The following DNAJA4 variants were observed in gnomAD, a reference collection of about 807,000 sequenced individuals.
The protein encoded by DNAJA4 is DnaJ heat shock protein family (Hsp40) member A4, also known as dnaJ homolog subfamily A member 4.
Under a neutral mutation model 39.7 loss-of-function variants are expected in DNAJA4, and 32 were observed. The observed-to-expected ratio is 0.81, with a 90% CI of 0.61 to 1.08. The LOEUF (loss-of-function observed/expected upper bound fraction) is 1.08, where lower values mean the gene tolerates loss of function less well. Ranked by LOEUF, DNAJA4 falls within the 50% of genes least tolerant of loss-of-function variation. The pLI, the probability that DNAJA4 is intolerant of heterozygous loss-of-function variation, is 0.00. For synonymous variants in DNAJA4, 184 were observed against 182.4 expected (o/e 1.01, Z -0.07); for missense variants, 439 against 505.1 (o/e 0.87, Z 1.25).
chr15:78,278,437 T>C, intron 5 of DNAJA4: 1 of 385,334 alleles, frequency 2.6e-6, no homozygotes, highest in South Asian at 1.9e-5. Context: ...CTAGATAGCA[T>C]AGCCTGCTAC....
chr15:78,268,763 C>T (rs1344888436), intron 1 of DNAJA4, among the ~76,000 whole-genome samples: 2 of 152,198 alleles, frequency 1.3e-5, no homozygotes, highest in Non-Finnish European at 2.9e-5. Context: ...AGGCATGGTT[C>T]CAGGCTCAGT....
intron 1 of DNAJA4, among the ~76,000 whole-genome samples, chr15:78,268,420 G>A (rs1491000970): frequency 6.6e-6 from 1 of 152,144 alleles, no homozygotes; most frequent in Non-Finnish European, 1.5e-5. Flanking sequence ...GTCTTTTTAA[G>A]ACTTTTCTAA....
chr15:78,276,153 T>TA lies in DNAJA4; in HGVS notation c.877+430dup, dbSNP rs537487331. ...ATTCTGGCAATTAAACTTAAGTTTT[T>TA]AAAAATTTATTTTTGTATAAGAAAA... On this transcript the variant is annotated intron_variant, in intron 5 of 6. Coordinates refer to ENST00000394852, the MANE Select transcript of DNAJA4 (RefSeq NM_001130182.2). Among the ~76,000 whole-genome samples the TA allele has an allele frequency of 5.4e-3, 825 of 152,368 alleles. 6 individuals carry two copies. Among genetic ancestry groups the TA allele is most frequent in the South Asian group, 0.012 (56 of 4,830 alleles).
At chr15:78,272,550 C>T (rs1260302905) in intron 2 of DNAJA4, among the ~76,000 whole-genome samples, 1 of 152,326 alleles carries the variant, frequency 6.6e-6, no homozygotes, top group Non-Finnish European at 1.5e-5. Flanking sequence ...TGCTGGAGCA[C>T]ACCCCCACCC....
In DNAJA4 at chr15:78,264,756, GAC is replaced by G; in HGVS notation, c.-4_-3del. ...ACCGGCCTCGCCCGCCCCCCCCGCA[GAC>G]ACAAGATGGTGAAGGAGACCCAGTA... On this transcript the variant is annotated 5_prime_UTR_variant, in exon 1 of 7. Coordinates refer to ENST00000394852, the MANE Select transcript of DNAJA4 (RefSeq NM_001130182.2). 6.3e-7 allele frequency: 1 copy of G among 1,581,368 alleles called. No individual in the cohort carries two copies. Among genetic ancestry groups the G allele is most frequent in the Non-Finnish European group, 8.6e-7 (1 of 1,162,358 alleles).
intron 4 of DNAJA4, 70 bp downstream of exon 4, chr15:78,274,494 C>T (rs1489807961): frequency 7.4e-7 from 1 of 1,359,466 alleles, no homozygotes; most frequent in Non-Finnish European, 1.0e-6. Context: ...GTGAGATACA[C>T]AGACTAGATG....
chr15:78,277,015 G>A (rs922470127), intron 5 of DNAJA4, among the ~76,000 whole-genome samples: 1 of 152,136 alleles, frequency 6.6e-6, no homozygotes, highest in Non-Finnish European at 1.5e-5. Flanking sequence ...AGCCTTGATC[G>A]GTTTGTGGAG....
chr15:78,264,551 C>G, upstream of DNAJA4: 2 of 1,227,152 alleles, frequency 1.6e-6, no homozygotes, highest in Non-Finnish European at 2.0e-6. Context: ...CGCGGAGGAG[C>G]CGGTGGCTCT....
rs564257261 is a variant in DNAJA4, at chr15:78,280,622, T to C, written c.*162T>C. 34 of 597,906 alleles carry C rather than the reference T, an allele frequency of 5.7e-5. No individual in the cohort carries two copies. In the South Asian group the frequency reaches 6.5e-4, roughly 11 times the overall value. 37.0% of individuals were successfully genotyped at this position (597,906 alleles called of 1,614,324 possible). The stretch of plus-strand genomic sequence containing the variant: ...GTCTTTTTGGCTTTTCTTTTGGTTG[T>C]AACTTAAGTTATAGCTTAATTTATA... On this transcript the variant is annotated 3_prime_UTR_variant, in exon 7 of 7. Transcript: ENST00000394852.
upstream of DNAJA4, chr15:78,264,277 G>A (rs1005459897): frequency 7.5e-7 from 1 of 1,329,290 alleles, no homozygotes. Flanking sequence ...GTCGGAGGGC[G>A]CCCTCCAGGC....
Position 78,281,984 on chromosome 15 carries a change from C to CTAT in DNAJA4, c.*1526_*1528dup, listed in dbSNP as rs1398535398. On this transcript the variant is annotated 3_prime_UTR_variant, in exon 7 of 7. Coordinates refer to ENST00000394852, the MANE Select transcript of DNAJA4 (RefSeq NM_001130182.2). Reference sequence around the variant, plus strand: ...CTTCCAACGAAGCCTAGGTGAAAATCTATTTATAAATGGACCACAACTCTG... The same window carrying CTAT: ...CTTCCAACGAAGCCTAGGTGAAAATCTATTATTTATAAATGGACCACAACTCTG... 2.0e-5 allele frequency: 3 copies of CTAT among 152,214 alleles called. No individual in the cohort carries two copies. Among genetic ancestry groups the CTAT allele is most frequent in the African/African-American group, 7.2e-5 (3 of 41,452 alleles). 9.4% of individuals were successfully genotyped at this position (152,214 alleles called of 1,614,324 possible).
chr15:78,274,135 C>G (rs1032509870), intron 3 of DNAJA4, 62 bp from the exon 4 acceptor site: 2 of 1,518,522 alleles, frequency 1.3e-6, no homozygotes, highest in African/African-American at 1.4e-5. Context: ...GCCATGGCGC[C>G]CAGCAGGGAC....
At chr15:78,268,620 T>C (rs1049032213) in intron 1 of DNAJA4, among the ~76,000 whole-genome samples, 1 of 152,200 alleles carries the variant, frequency 6.6e-6, no homozygotes, top group East Asian at 1.9e-4. Flanking sequence ...TGTTTATCTA[T>C]ATATCCATAT....
rs573193293 is a variant in DNAJA4, at chr15:78,282,016, C to T, written c.*1556C>T. 9 of 152,278 alleles carry T rather than the reference C, an allele frequency of 5.9e-5. No individual in the cohort carries two copies. Among genetic ancestry groups the T allele is most frequent in the South Asian group, 2.1e-4 (1 of 4,822 alleles). The allele number at this position is 152,278 out of a possible 1,614,324, so 9.4% of individuals were successfully genotyped here. ...TAAATGGACCACAACTCTGGGGTGT[C>T]GTTTTTGTGCTGTGACTTCCTAATT... On this transcript the variant is annotated 3_prime_UTR_variant, in exon 7 of 7. Coordinates refer to ENST00000394852, the MANE Select transcript of DNAJA4 (RefSeq NM_001130182.2).
In DNAJA4 at chr15:78,264,693, C is replaced by A. The variant is rs2049068807; in HGVS notation, c.-71C>A. On this transcript the variant is annotated 5_prime_UTR_variant, in exon 1 of 7. Transcript: ENST00000394852. ...GCGGCGGGGGCGCGGGCCAGGGGCGCGGGCCAGGGTGCCGGCAGGGGCGTC... is the reference window on the plus strand; with the variant it reads ...GCGGCGGGGGCGCGGGCCAGGGGCGAGGGCCAGGGTGCCGGCAGGGGCGTC... The A allele has an allele frequency of 1.1e-4, 131 of 1,234,832 alleles. 1 individual carries two copies. Among genetic ancestry groups the A allele is most frequent in the Non-Finnish European group, 1.3e-4 (128 of 968,350 alleles). The allele number at this position is 1,234,832 out of a possible 1,614,324, so 76.5% of individuals were successfully genotyped here.
chr15:78,280,385 C>T lies in DNAJA4; in HGVS notation c.1119C>T (p.Asn373=). 1 of 1,614,162 alleles carries T rather than the reference C, an allele frequency of 6.2e-7. No individual in the cohort carries two copies. The highest frequency in any genetic ancestry group is 8.5e-7 in the Non-Finnish European group (1 of 1,180,042). ...ELKEFCPNEQ[N]WRQHREAYEE... is the part of the protein sequence containing the mutation. The stretch of plus-strand genomic sequence containing the variant: ...AGGAGTTTTGTCCCAATGAGCAGAA[C>T]TGGCGTCAGCACAGGGAGGCCTACG... The change falls in exon 7 of 7, where the codon AAC becomes AAT. Residue 373 remains asparagine, a synonymous_variant. Transcript: ENST00000394852.
chr15:78,276,771 G>A (rs2049473979), intron 5 of DNAJA4, among the ~76,000 whole-genome samples: 1 of 152,222 alleles, frequency 6.6e-6, no homozygotes, highest in South Asian at 2.1e-4. Context: ...TTCAGGGCAG[G>A]CAGGGAGGTA....
chr15:78,278,186 A>AC (rs2049529677), intron 5 of DNAJA4: 1 of 455,876 alleles, frequency 2.2e-6, no homozygotes, highest in Admixed American at 2.4e-5. Flanking sequence ...GGAGAGCCTA[A>AC]CTCGTGGTCT....
chr15:78,271,165 GGTAAATTTA>G (rs1249780806), intron 2 of DNAJA4, among the ~76,000 whole-genome samples: 1 of 152,170 alleles, frequency 6.6e-6, no homozygotes, highest in Non-Finnish European at 1.5e-5. Flanking sequence ...GGAAACTCTT[GGTAAATTTA>G]GTAATTATCT....
Sources: allele counts gnomAD v4.1 joint callset (sites outside exome capture counted in the v4.1 genomes callset), GRCh38; gene constraint gnomAD v4.1.1; transcripts MANE v1.5; gene names NCBI Gene and HGNC (gene_info 2026-07-23, HGNC 2026-07-21).